The following PPM1L variants were observed in gnomAD, a reference collection of about 807,000 sequenced individuals.
PPM1L encodes the protein protein phosphatase 1L.
In PPM1L, 13 loss-of-function variants were observed where a neutral mutation model predicts 31.4. That is an observed-to-expected ratio of 0.41 (90% CI 0.27 to 0.66). The LOEUF (loss-of-function observed/expected upper bound fraction) is 0.66. PPM1L is among the 30% of genes least tolerant of loss of function. PPM1L has a pLI of 0.29. For missense variants in PPM1L, 326 were observed against 453.7 expected (o/e 0.72, Z 2.56); for synonymous variants, 184 against 175.4 (o/e 1.05, Z -0.39).
intron 1 of PPM1L, among the ~76,000 whole-genome samples, chr3:160,807,661 A>G (rs1712643580): frequency 6.6e-6 from 1 of 152,234 alleles, no homozygotes. Flanking sequence ...TGTCCAATAA[A>G]TGATCAGTCC....
intron 1 of PPM1L, among the ~76,000 whole-genome samples, chr3:160,785,269 TAC>T (rs1711870764): frequency 6.6e-6 from 1 of 152,200 alleles, no homozygotes; most frequent in African/African-American, 2.4e-5. Flanking sequence ...GAGTTTTCTA[TAC>T]ATTTTTAAGT....
chr3:160,827,262 T>C (rs984238135), intron 1 of PPM1L, among the ~76,000 whole-genome samples: 5 of 151,446 alleles, frequency 3.3e-5, no homozygotes, highest in South Asian at 4.1e-4. Flanking sequence ...CAAGCCTGGC[T>C]TCCAGCAGAA....
At chr3:160,817,591 T>G (rs1238356149) in intron 1 of PPM1L, among the ~76,000 whole-genome samples, 1 of 152,136 alleles carries the variant, frequency 6.6e-6, no homozygotes, top group African/African-American at 2.4e-5. Flanking sequence ...TTAATTGCTT[T>G]TCTATTGTGT....
intron 2 of PPM1L, among the ~76,000 whole-genome samples, chr3:161,061,803 G>A (rs923274445): frequency 6.6e-6 from 1 of 152,136 alleles, no homozygotes; most frequent in Non-Finnish European, 1.5e-5. Context: ...CAACTGTGTA[G>A]CTAAACAGCC....
intron 1 of PPM1L, among the ~76,000 whole-genome samples, chr3:160,816,244 A>G (rs1024702460): frequency 2.7e-5 from 4 of 148,518 alleles, no homozygotes; most frequent in African/African-American, 7.6e-5. Flanking sequence ...TACATTTGCA[A>G]TCAAGAGCAG....
Position 161,076,599 on chromosome 3 carries a change from A to G in PPM1L, c.*7442A>G, listed in dbSNP as rs1262255135. 1 of 152,218 alleles carries G rather than the reference A, an allele frequency of 6.6e-6. No homozygotes were observed. Among genetic ancestry groups the G allele is most frequent in the African/African-American group, 2.4e-5 (1 of 41,462 alleles). The allele number at this position is 152,218 out of a possible 1,614,324, so 9.4% of individuals were successfully genotyped here. Reference sequence around the variant, plus strand: ...AGTTTACTCTTCAATTACTAAAGCAAATGATTTTGATTTATAGCACTTACA... The same window carrying G: ...AGTTTACTCTTCAATTACTAAAGCAGATGATTTTGATTTATAGCACTTACA... On this transcript the variant is annotated 3_prime_UTR_variant, in exon 4 of 4. Transcript: ENST00000498165.
intron 1 of PPM1L, among the ~76,000 whole-genome samples, chr3:160,942,372 G>T (rs1310688558): frequency 6.6e-6 from 1 of 152,084 alleles, no homozygotes; most frequent in Non-Finnish European, 1.5e-5. Context: ...TGAAATTACG[G>T]ATGTGAGCCA....
At chr3:160,827,677 G>C (rs1208080458) in intron 1 of PPM1L, among the ~76,000 whole-genome samples, 2 of 151,758 alleles carry the variant, frequency 1.3e-5, no homozygotes, top group Non-Finnish European at 2.9e-5. Flanking sequence ...TTTTATGCAG[G>C]CCTCTGCATA....
chr3:160,943,508 A>G lies in PPM1L; in HGVS notation c.400-18228A>G, dbSNP rs974778011. Among the ~76,000 whole-genome samples, 4 of 152,226 alleles carry G rather than the reference A, an allele frequency of 2.6e-5. No homozygotes were observed. In the East Asian group the frequency reaches 5.8e-4, roughly 22 times the overall value. On this transcript the variant is annotated intron_variant, in intron 1 of 3. Transcript: ENST00000498165. ...AGTTGTATTTGAAAGATTATACAAG[A>G]TACACACATAGAAATCCAAACTTAA...
intron 1 of PPM1L, among the ~76,000 whole-genome samples, chr3:160,904,731 A>T (rs1576703274): frequency 1.8e-5 from 1 of 55,030 alleles, no homozygotes; most frequent in African/African-American, 4.2e-5. Flanking sequence ...GAAGAGGGAG[A>T]GAGAGAAAGA....
At chr3:160,878,301 G>A (rs569726287) in intron 1 of PPM1L, among the ~76,000 whole-genome samples, 2 of 152,124 alleles carry the variant, frequency 1.3e-5, no homozygotes, top group Non-Finnish European at 2.9e-5. Flanking sequence ...CAGTCCACTT[G>A]GGATGCTAGA....
At chr3:160,883,587 G>C (rs2108039633) in intron 1 of PPM1L, among the ~76,000 whole-genome samples, 1 of 152,092 alleles carries the variant, frequency 6.6e-6, no homozygotes, top group Non-Finnish European at 1.5e-5. Context: ...CAGTGAATTA[G>C]GGCAGAAAAA....
At chr3:161,012,952 T>A (rs1717946069) in intron 2 of PPM1L, among the ~76,000 whole-genome samples, 2 of 152,156 alleles carry the variant, frequency 1.3e-5, no homozygotes, top group African/African-American at 4.8e-5. Flanking sequence ...ATATTGTTGA[T>A]CCTTTCAAAA....
chr3:160,989,429 A>T (rs1717061317), intron 2 of PPM1L, among the ~76,000 whole-genome samples: 1 of 149,498 alleles, frequency 6.7e-6, no homozygotes, highest in South Asian at 2.1e-4. Context: ...TTTTGAGCAG[A>T]GTTTCACTCT....
intron 2 of PPM1L, among the ~76,000 whole-genome samples, chr3:161,027,835 A>G (rs1406706301): frequency 6.6e-6 from 1 of 152,214 alleles, no homozygotes; most frequent in African/African-American, 2.4e-5. Flanking sequence ...AAAAATTTGC[A>G]AAAAGAGAAC....
intron 1 of PPM1L, among the ~76,000 whole-genome samples, chr3:160,822,255 G>A (rs1369355251): frequency 6.6e-6 from 1 of 151,820 alleles, no homozygotes; most frequent in African/African-American, 2.4e-5. Context: ...TTCTTTGTAT[G>A]AAGAAATTAG....
intron 1 of PPM1L, among the ~76,000 whole-genome samples, chr3:160,781,273 G>C (rs1711741513): frequency 6.6e-6 from 1 of 152,140 alleles, no homozygotes. Context: ...GACAGATATA[G>C]CTTAGGGATG....
chr3:161,058,408 A>C (rs1719483479), intron 2 of PPM1L, among the ~76,000 whole-genome samples: 1 of 151,920 alleles, frequency 6.6e-6, no homozygotes, highest in African/African-American at 2.4e-5. Flanking sequence ...TACAGGCATG[A>C]GCCACCACAC....
chr3:160,791,570 C>T (rs1036554103), intron 1 of PPM1L, among the ~76,000 whole-genome samples: 5 of 152,088 alleles, frequency 3.3e-5, no homozygotes, highest in Non-Finnish European at 5.9e-5. Flanking sequence ...AGGTATTGTT[C>T]CAGGGGCTGA....
Sources: gnomAD v4.1 joint callset for allele counts (sites outside exome capture counted in the v4.1 genomes callset) on GRCh38, gnomAD v4.1.1 for gene constraint, MANE v1.5 for transcripts, NCBI Gene and HGNC (gene_info 2026-07-23, HGNC 2026-07-21) for gene names.